Variants in AP4S1 observed in about 807,000 individuals in gnomAD.
The protein encoded by AP4S1 is AP-4 complex subunit sigma-1.
Under a neutral mutation model 19.8 loss-of-function variants are expected in AP4S1, and 23 were observed. The observed-to-expected ratio is 1.16, with a 90% CI of 0.84 to 1.65. AP4S1 has a LOEUF of 1.65. AP4S1 is among the 40% of genes most tolerant of loss of function. The pLI, the probability that AP4S1 is intolerant of heterozygous loss-of-function variation, is 0.00. For missense variants in AP4S1, 166 were observed against 172.8 expected (o/e 0.96, Z 0.22); for synonymous variants, 46 against 54.1 (o/e 0.85, Z 0.66).
chr14:31,058,517 C>CTGTGTGTG lies in AP4S1; in HGVS notation c.-71-7607_-71-7600dup, dbSNP rs1241249693. On this transcript the variant is annotated intron_variant, in intron 1 of 5. Transcript: ENST00000542754. ...GGTCATCAAAACATCTTCCCCATCTCTGTGTGTGTATGTGTGTGTGTGTGT... is the reference window on the plus strand; with the variant it reads ...GGTCATCAAAACATCTTCCCCATCTCTGTGTGTGTGTGTGTGTATGTGTGTGTGTGTGT... Among the ~76,000 whole-genome samples, 467 of 139,424 alleles carry CTGTGTGTG rather than the reference C, an allele frequency of 3.3e-3. 5 individuals are homozygous for CTGTGTGTG. The highest frequency in any genetic ancestry group is 5.9e-3 in the East Asian group (28 of 4,720). 91.5% of individuals were successfully genotyped at this position (139,424 alleles called of 152,430 possible).
At chr14:31,055,884 C>T (rs1271636523) in intron 1 of AP4S1, among the ~76,000 whole-genome samples, 1 of 150,970 alleles carries the variant, frequency 6.6e-6, no homozygotes, top group East Asian at 1.9e-4. Flanking sequence ...CACTCTGTTA[C>T]CCAGGCTGGA....
chr14:31,085,315 A>G, intron 5 of AP4S1: 1 of 997,906 alleles, frequency 1.0e-6, no homozygotes, highest in Non-Finnish European at 1.2e-6. Flanking sequence ...AGGGGCAGGA[A>G]TGATAAGAAG....
chr14:31,077,837 G>A (rs1252421807), intron 4 of AP4S1, among the ~76,000 whole-genome samples: 1 of 150,014 alleles, frequency 6.7e-6, no homozygotes, highest in African/African-American at 2.5e-5. Flanking sequence ...CCTTGTTCAA[G>A]CAATTCTCCC....
At chr14:31,036,012 G>A (rs543961157) in intron 1 of AP4S1, among the ~76,000 whole-genome samples, 3 of 152,144 alleles carry the variant, frequency 2.0e-5, no homozygotes, top group Admixed American at 1.3e-4. Context: ...TTACAGGCGT[G>A]AGCCACCGTG....
At chr14:31,041,525 C>G (rs1885111147) in intron 1 of AP4S1, among the ~76,000 whole-genome samples, 2 of 152,140 alleles carry the variant, frequency 1.3e-5, no homozygotes, top group Non-Finnish European at 2.9e-5. Context: ...TGTAGTAATC[C>G]TAGTTCTCTG....
At chr14:31,052,158 C>A (rs1354850605) in intron 1 of AP4S1, among the ~76,000 whole-genome samples, 1 of 151,884 alleles carries the variant, frequency 6.6e-6, no homozygotes, top group East Asian at 1.9e-4. Flanking sequence ...AGAGTCACAA[C>A]CACTAGGGAG....
chr14:31,070,806 A>G (rs1404820005), intron 3 of AP4S1, among the ~76,000 whole-genome samples: 2 of 152,202 alleles, frequency 1.3e-5, no homozygotes, highest in African/African-American at 4.8e-5. Context: ...AAATCCCAGC[A>G]CTTTGGGAGG....
Position 31,067,372 on chromosome 14 carries a change from G to A in AP4S1, c.138+1038G>A, listed in dbSNP as rs1322992498. On this transcript the variant is annotated intron_variant, in intron 2 of 5. Transcript: ENST00000542754. ...TGTGCCATGTTGGTGTGCTGTACCC[G>A]TTAACTCGTCATTTACATTAGGTAT... Among the ~76,000 whole-genome samples the A allele has an allele frequency of 3.3e-5, 5 of 151,128 alleles. No individual in the cohort carries two copies. In the East Asian group the frequency reaches 5.8e-4, roughly 18 times the overall value.
chr14:31,062,903 C>T, intron 1 of AP4S1, among the ~76,000 whole-genome samples: 1 of 151,468 alleles, frequency 6.6e-6, no homozygotes. Context: ...GGAGGCGGAG[C>T]TTGCAGTGAG....
chr14:31,085,076 G>A lies in AP4S1; in HGVS notation c.306+4492G>A, dbSNP rs146190559. The A allele has an allele frequency of 1.5e-4, 205 of 1,409,072 alleles. 3 individuals carry two copies. The East Asian group carries it at 4.4e-3, about 30-fold the overall frequency. The allele number at this position is 1,409,072 out of a possible 1,614,324, so 87.3% of individuals were successfully genotyped here. On this transcript the variant is annotated intron_variant, in intron 5 of 5. Coordinates refer to ENST00000542754, the MANE Select transcript of AP4S1 (RefSeq NM_001128126.3). Reference sequence around the variant, plus strand: ...TGGAATGCAGCAGTACTGCCTTCAGGCCTGGACAGCCAGGGGCTCCTCGGG... The same window carrying A: ...TGGAATGCAGCAGTACTGCCTTCAGACCTGGACAGCCAGGGGCTCCTCGGG...
intron 1 of AP4S1, among the ~76,000 whole-genome samples, chr14:31,064,960 A>C (rs1886636210): frequency 6.6e-6 from 1 of 152,172 alleles, no homozygotes; most frequent in Admixed American, 6.5e-5. Flanking sequence ...TCTCAAAAAT[A>C]AAGTAAGGAT....
intron 1 of AP4S1, among the ~76,000 whole-genome samples, chr14:31,042,835 T>C (rs1197266580): frequency 2.0e-5 from 3 of 152,208 alleles, no homozygotes; most frequent in African/African-American, 7.2e-5. Context: ...AATTGTATCT[T>C]GGACCAGAAT....
At chr14:31,037,347 T>C (rs911019221) in intron 1 of AP4S1, among the ~76,000 whole-genome samples, 2 of 152,156 alleles carry the variant, frequency 1.3e-5, no homozygotes, top group African/African-American at 4.8e-5. Context: ...AGATGTTTTC[T>C]TTTGCTATCC....
rs777580774 is a variant in AP4S1 at position 31,065,941 on chromosome 14, T to G, written c.-71-185T>G. Among the ~76,000 whole-genome samples the G allele has an allele frequency of 3.3e-5, 5 of 152,352 alleles. No homozygotes were observed. In the South Asian group the frequency reaches 1.0e-3, roughly 32 times the overall value. On this transcript the variant is annotated intron_variant, in intron 1 of 5. Coordinates refer to ENST00000542754, the MANE Select transcript of AP4S1 (RefSeq NM_001128126.3). ...TCCCAAAGTGCTGGAATTACAGGCA[T>G]GAGCCACCACACCCGGCCTGGTTTT...
intron 3 of AP4S1, among the ~76,000 whole-genome samples, chr14:31,070,284 A>AGGCTAGAGT (rs1486950016): frequency 2.0e-5 from 3 of 152,170 alleles, no homozygotes; most frequent in Non-Finnish European, 4.4e-5. Flanking sequence ...TTTAAGAGAC[A>AGGCTAGAGT]GGCTAGAGTG....
At chr14:31,076,635 A>G (rs1566541223) in intron 4 of AP4S1, among the ~76,000 whole-genome samples, 1 of 152,176 alleles carries the variant, frequency 6.6e-6, no homozygotes, top group Admixed American at 6.5e-5. Flanking sequence ...TTCCAACATC[A>G]TTTGTTCAAA....
At position 31,036,247 on chromosome 14, in the gene AP4S1, A is replaced by G. The variant is rs373619630; in HGVS notation, c.-72+10460A>G. Among the ~76,000 whole-genome samples, 53 of 152,176 alleles carry G rather than the reference A, an allele frequency of 3.5e-4. No homozygotes were observed. The South Asian group carries it at 0.011, about 30-fold the overall frequency. On this transcript the variant is annotated intron_variant, in intron 1 of 5. Coordinates refer to ENST00000542754, the MANE Select transcript of AP4S1 (RefSeq NM_001128126.3). ...GATAACCAAAAAATAAATAAAAAGA[A>G]AAAACTAATAATCTAAAATTTTTGA...
At chr14:31,038,208 C>G (rs1322581858) in intron 1 of AP4S1, among the ~76,000 whole-genome samples, 1 of 152,090 alleles carries the variant, frequency 6.6e-6, no homozygotes, top group Non-Finnish European at 1.5e-5. Context: ...GTGATTAGCT[C>G]AACTTTCTAA....
chr14:31,031,468 T>G (rs1353726091), intron 1 of AP4S1, among the ~76,000 whole-genome samples: 3 of 152,192 alleles, frequency 2.0e-5, no homozygotes, highest in Non-Finnish European at 4.4e-5. Flanking sequence ...ATATGAATAT[T>G]TTTTCGTCAC....
Sources: gnomAD v4.1 joint callset for allele counts (sites outside exome capture counted in the v4.1 genomes callset) on GRCh38, gnomAD v4.1.1 for gene constraint, MANE v1.5 for transcripts, NCBI Gene and HGNC (gene_info 2026-07-23, HGNC 2026-07-21) for gene names.